Variants in ALOXE3 observed in about 807,000 individuals in gnomAD.
The protein encoded by ALOXE3 is hydroperoxide isomerase ALOXE3.
In ALOXE3, 78 loss-of-function variants were observed where a neutral mutation model predicts 87.5. The ratio of observed to expected loss-of-function variants is 0.89; its 90% CI spans 0.74 to 1.08. The LOEUF (loss-of-function observed/expected upper bound fraction) is 1.08. Ranked by LOEUF, ALOXE3 falls within the 50% of genes least tolerant of loss-of-function variation. ALOXE3 has a pLI of 0.00. For missense variants in ALOXE3, 946 were observed against 912.4 expected, an observed-to-expected ratio of 1.04 and a Z score of -0.47; for synonymous variants, 363 against 370.8, an observed-to-expected ratio of 0.98 and a Z score of 0.24.
chr17:8,104,732 C>A (rs1038866866), intron 13 of ALOXE3, among the ~76,000 whole-genome samples: 2 of 152,164 alleles, frequency 1.3e-5, no homozygotes, highest in Non-Finnish European at 2.9e-5. Flanking sequence ...AAAGGGGCAC[C>A]AGGAGCAGAG....
chr17:8,100,764 C>T (rs1251536929), intron 15 of ALOXE3, among the ~76,000 whole-genome samples: 2 of 152,054 alleles, frequency 1.3e-5, no homozygotes, highest in Non-Finnish European at 2.9e-5. Context: ...GACTACAGGC[C>T]TGTGCCATTG....
chr17:8,110,877 T>G (rs947856374), intron 8 of ALOXE3, among the ~76,000 whole-genome samples: 5 of 152,204 alleles, frequency 3.3e-5, no homozygotes, highest in Non-Finnish European at 7.3e-5. Context: ...ACATGAGAAC[T>G]GACCAACCAT....
chr17:8,118,500 G>C lies in ALOXE3; in HGVS notation c.-328C>G. 6.5e-7 allele frequency: 1 copy of C among 1,542,058 alleles called. No homozygotes were observed. The highest frequency in any genetic ancestry group is 8.7e-7 in the Non-Finnish European group (1 of 1,144,872). On this transcript the variant is annotated 5_prime_UTR_variant, in exon 1 of 16. Transcript: ENST00000448843. ...GCACAGGGCACCTGCATTCCTACGT[G>C]TGAATCATCCGTGTGAATCACTAAA...
Position 8,118,220 on chromosome 17 carries a change from A to C in ALOXE3, c.-230T>G, listed in dbSNP as rs1364082996. 6.4e-7 allele frequency: 1 copy of C among 1,551,112 alleles called. No individual in the cohort carries two copies. The highest frequency in any genetic ancestry group is 8.7e-7 in the Non-Finnish European group (1 of 1,146,852). ...TTCCTCTCTCCGCCCACAGTCTTGC[A>C]CTCTAATACTTGTTTGCTTGCCTCT... On this transcript the variant is annotated 5_prime_UTR_variant, in exon 2 of 16. Coordinates refer to ENST00000448843, the MANE Select transcript of ALOXE3 (RefSeq NM_021628.3).
At chr17:8,118,820 G>T, upstream of ALOXE3, 1 of 1,536,690 alleles carries the variant, frequency 6.5e-7, no homozygotes, top group Non-Finnish European at 8.7e-7. Context: ...AGGATCCTGG[G>T]CGGGAGCCCA....
chr17:8,104,254 G>A (rs754433168), intron 13 of ALOXE3, 39 bp from the exon 14 acceptor site: 2 of 1,520,876 alleles, frequency 1.3e-6, no homozygotes, highest in Non-Finnish European at 1.8e-6. Context: ...GTGGATGGAA[G>A]GTACTGGATT....
intron 6 of ALOXE3, among the ~76,000 whole-genome samples, chr17:8,113,684 A>G (rs1980302858): frequency 6.6e-6 from 1 of 151,754 alleles, no homozygotes; most frequent in Admixed American, 6.6e-5. Context: ...AAAGGAATGG[A>G]ACATGGAACA....
rs1289550489 is a variant in ALOXE3, at chr17:8,112,204, G to A, written c.681-8C>T. On this transcript the variant is annotated splice_region_variant and splice_polypyrimidine_tract_variant and intron_variant, in intron 6 of 15. Transcript: ENST00000448843. ...AGCTTCATTCCCAAGGACCTGATGG[G>A]AGAGGAAAAGATGAGGGTGAGGTCT... 2 of 1,608,450 alleles carry A rather than the reference G, an allele frequency of 1.2e-6. No homozygotes were observed. The highest frequency in any genetic ancestry group is 1.1e-5 in the South Asian group (1 of 90,938).
At chr17:8,104,051 A>G (rs2151831665) in intron 14 of ALOXE3, 64 bp downstream of exon 14, 1 of 1,464,084 alleles carries the variant, frequency 6.8e-7, no homozygotes, top group Non-Finnish European at 9.4e-7. Context: ...CTCTCAACCC[A>G]AATTCAGGCC....
chr17:8,107,868 A>G lies in ALOXE3; in HGVS notation c.1684+600T>C, dbSNP rs1212185424. ...AAGAAAGAAAGAAAGAAAGAAAGAA[A>G]GAAAGAAAGAAAGAAAGAAAGAAAG... On this transcript the variant is annotated intron_variant, in intron 13 of 15. Transcript: ENST00000448843. 9.3e-3 allele frequency among the ~76,000 whole-genome samples: 30 copies of G among 3,224 alleles called. 10 individuals carry two copies. Among genetic ancestry groups the G allele is most frequent in the Middle Eastern group, 0.17 (1 of 6 alleles). The allele number at this position is 3,224 out of a possible 152,430, so 2.1% of individuals were successfully genotyped here. A position where few individuals can be genotyped will look rare whatever the true frequency, so the allele number is the denominator to read the frequency against.
Position 8,114,422 on chromosome 17 carries a change from C to T in ALOXE3, c.680+62G>A, listed in dbSNP as rs1598215874. 3 of 1,610,636 alleles carry T rather than the reference C, an allele frequency of 1.9e-6. No individual in the cohort carries two copies. The Admixed American group carries it at 5.0e-5, about 27-fold the overall frequency. ...ATAGGGAGAAGGGGCAGTCTGGGAG[C>T]ACGGGGAGGGGGATGGATGGGCAGA... On this transcript the variant is annotated intron_variant, in intron 6 of 15. Coordinates refer to ENST00000448843, the MANE Select transcript of ALOXE3 (RefSeq NM_021628.3).
chr17:8,112,186 T>C lies in ALOXE3; in HGVS notation c.691A>G (p.Met231Val), dbSNP rs1157175525. Reference sequence around the variant, plus strand: ...CGATCCAACAGCCCTCGAAGCTTCATTCCCAAGGACCTGATGGGAGAGGAA... The same window carrying C: ...CGATCCAACAGCCCTCGAAGCTTCACTCCCAAGGACCTGATGGGAGAGGAA... ...LFNAIPASLG[M>V]KLRGLLDRKG... The change falls in exon 7 of 16, where the codon ATG becomes GTG. Residue 231 changes from methionine to valine, a missense_variant. Coordinates refer to ENST00000448843, the MANE Select transcript of ALOXE3 (RefSeq NM_021628.3). The C allele has an allele frequency of 6.2e-7, 1 of 1,613,486 alleles. No homozygotes were observed. Among genetic ancestry groups the C allele is most frequent in the Non-Finnish European group, 8.5e-7 (1 of 1,179,556 alleles).
At chr17:8,103,833 G>A (rs569433081) in intron 14 of ALOXE3, among the ~76,000 whole-genome samples, 20 of 152,246 alleles carry the variant, frequency 1.3e-4, no homozygotes, top group Admixed American at 1.2e-3. Context: ...ATGCCACACA[G>A]AGCAAGCTGC....
Sources: allele counts gnomAD v4.1 joint callset (sites outside exome capture counted in the v4.1 genomes callset), GRCh38; gene constraint gnomAD v4.1.1; transcripts MANE v1.5; gene names NCBI Gene and HGNC (gene_info 2026-07-23, HGNC 2026-07-21).